DDAH1: variants seen among roughly 807,000 people sequenced by gnomAD.
DDAH1 encodes dimethylarginine dimethylaminohydrolase 1.
DDAH1 carries 19 observed loss-of-function variants against 28.8 expected under a neutral mutation model. That is an observed-to-expected ratio of 0.66 (90% CI 0.46 to 0.97). The LOEUF (loss-of-function observed/expected upper bound fraction) is 0.97. Ranked by LOEUF, DDAH1 falls within the 50% of genes least tolerant of loss-of-function variation. DDAH1 has a pLI of 0.00. For synonymous variants in DDAH1, 153 were observed against 154.4 expected, an observed-to-expected ratio of 0.99 and a Z score of 0.07; for missense variants, 326 against 375.9, an observed-to-expected ratio of 0.87 and a Z score of 1.10.
chr1:85,327,426 G>A (rs1023713007), intron 4 of DDAH1, among the ~76,000 whole-genome samples: 1 of 152,148 alleles, frequency 6.6e-6, no homozygotes, highest in East Asian at 1.9e-4. Context: ...ATGTAATCTA[G>A]TAGTGTTGCA....
At chr1:85,338,990 T>G (rs1040091780) in intron 4 of DDAH1, among the ~76,000 whole-genome samples, 6 of 148,740 alleles carry the variant, frequency 4.0e-5, no homozygotes, top group African/African-American at 1.5e-4. Context: ...GAGGTTGCCG[T>G]GAGCTAAGAT....
At chr1:85,340,710 G>A (rs935938993) in intron 4 of DDAH1, among the ~76,000 whole-genome samples, 7 of 151,896 alleles carry the variant, frequency 4.6e-5, no homozygotes, top group Non-Finnish European at 8.8e-5. Context: ...TATGGGAACC[G>A]TGCCAGACAG....
At chr1:85,477,662 T>C (rs1330436576) in intron 2 of DDAH1, among the ~76,000 whole-genome samples, 1 of 151,950 alleles carries the variant, frequency 6.6e-6, no homozygotes, top group Non-Finnish European at 1.5e-5. Flanking sequence ...GCATATACTA[T>C]CTCTACTATA....
chr1:85,328,777 A>C (rs1647577359), intron 4 of DDAH1, among the ~76,000 whole-genome samples: 1 of 152,236 alleles, frequency 6.6e-6, no homozygotes, highest in Non-Finnish European at 1.5e-5. Context: ...AGACACAAAC[A>C]AAACAAAATC....
At chr1:85,456,614 T>C (rs894834287) in intron 1 of DDAH1, among the ~76,000 whole-genome samples, 36 of 152,252 alleles carry the variant, frequency 2.4e-4, no homozygotes, top group African/African-American at 6.0e-4. Flanking sequence ...TTTAAGGTAG[T>C]GTAGCGTGAG....
chr1:85,324,406 T>C (rs967018046), intron 5 of DDAH1, among the ~76,000 whole-genome samples: 3 of 152,126 alleles, frequency 2.0e-5, no homozygotes, highest in Non-Finnish European at 2.9e-5. Flanking sequence ...TGTAGGTCTT[T>C]ATGCTTAATG....
At chr1:85,377,181 G>T (rs937659031) in intron 1 of DDAH1, among the ~76,000 whole-genome samples, 3 of 152,110 alleles carry the variant, frequency 2.0e-5, no homozygotes, top group African/African-American at 7.2e-5. Flanking sequence ...GCAGAAGCAG[G>T]ATTAGAACCC....
chr1:85,464,534 C>G lies in DDAH1; in HGVS notation c.303+209G>C. Reference sequence around the variant, plus strand: ...TACAACCACATTGAATCGGATCCTCCAGAAGGCTGCCGGCAGCCGGGAGGT... The same window carrying G: ...TACAACCACATTGAATCGGATCCTCGAGAAGGCTGCCGGCAGCCGGGAGGT... On this transcript the variant is annotated intron_variant, in intron 1 of 5. Coordinates refer to ENST00000284031, the MANE Select transcript of DDAH1 (RefSeq NM_012137.4). This position sits in a 1 kb window ranked among gnomAD's most constrained non-coding sequence, Gnocchi z 4.4. 3.3e-6 allele frequency: 5 copies of G among 1,529,804 alleles called. No homozygotes were observed. Among genetic ancestry groups the G allele is most frequent in the Middle Eastern group, 1.7e-4 (1 of 5,964 alleles). 94.8% of individuals were successfully genotyped at this position (1,529,804 alleles called of 1,614,324 possible).
chr1:85,383,109 G>T (rs1194465721), intron 1 of DDAH1, among the ~76,000 whole-genome samples: 1 of 152,074 alleles, frequency 6.6e-6, no homozygotes, highest in African/African-American at 2.4e-5. Flanking sequence ...CATTTCATAG[G>T]GCTATTGCTG....
intron 1 of DDAH1, among the ~76,000 whole-genome samples, chr1:85,425,936 G>A (rs1653373522): frequency 6.6e-6 from 1 of 152,110 alleles, no homozygotes; most frequent in Non-Finnish European, 1.5e-5. Flanking sequence ...TTTGTGATAA[G>A]CACTAGTCTA....
In DDAH1 at chr1:85,352,287, T is replaced by C. The variant is rs1269004482; in HGVS notation, c.404-708A>G. Among the ~76,000 whole-genome samples, 4 of 152,182 alleles carry C rather than the reference T, an allele frequency of 2.6e-5. No homozygotes were observed. The East Asian group carries it at 7.7e-4, about 29-fold the overall frequency. ...AAGTGTGGGTGTGTGTGGGTGAGTG[T>C]GCTGTGATGGGACGGTGTCCTGTCC... On this transcript the variant is annotated intron_variant, in intron 2 of 5. Transcript: ENST00000284031.
chr1:85,327,787 A>C (rs1385345081), intron 4 of DDAH1, among the ~76,000 whole-genome samples: 1 of 152,232 alleles, frequency 6.6e-6, no homozygotes, highest in Non-Finnish European at 1.5e-5. Context: ...AAAAAACCCC[A>C]AAACAGATAA....
At position 85,461,832 on chromosome 1, in the gene DDAH1, C is replaced by T. The variant is rs138006522; in HGVS notation, c.303+2911G>A. ...GATATATATAAAAGGAAGTTTATAG[C>T]GTTTTAGGAGCTCATAAAAGGAGAA... On this transcript the variant is annotated intron_variant, in intron 1 of 5. Transcript: ENST00000284031. Among the ~76,000 whole-genome samples the T allele has an allele frequency of 1.6e-4, 25 of 152,168 alleles. No homozygotes were observed. The East Asian group carries it at 3.7e-3, about 22-fold the overall frequency.
chr1:85,352,192 G>C lies in DDAH1; in HGVS notation c.404-613C>G, dbSNP rs560900454. On this transcript the variant is annotated intron_variant, in intron 2 of 5. Coordinates refer to ENST00000284031, the MANE Select transcript of DDAH1 (RefSeq NM_012137.4). ...TGTACATTCTCTCTAGGCCTGCGTG[G>C]GTTTCCTCCCACATCCCAGAGCTGT... Among the ~76,000 whole-genome samples, 5 of 152,170 alleles carry C rather than the reference G, an allele frequency of 3.3e-5. No homozygotes were observed. The East Asian group carries it at 9.7e-4, about 29-fold the overall frequency.
intron 4 of DDAH1, among the ~76,000 whole-genome samples, chr1:85,326,562 T>G (rs1647408983): frequency 6.6e-6 from 1 of 152,242 alleles, no homozygotes. Flanking sequence ...CATCTCACTT[T>G]GCTCTTTCTC....
chr1:85,526,137 A>C (rs1196801632), intron 1 of DDAH1, among the ~76,000 whole-genome samples: 4 of 152,194 alleles, frequency 2.6e-5, no homozygotes, highest in Non-Finnish European at 5.9e-5. Flanking sequence ...ATGGAAATGT[A>C]AGTGTCCTGT....
chr1:85,541,627 A>T (rs1658473214), intron 1 of DDAH1, among the ~76,000 whole-genome samples: 1 of 152,256 alleles, frequency 6.6e-6, no homozygotes, highest in African/African-American at 2.4e-5. Flanking sequence ...TAGAGTTCAC[A>T]GAAATTTTTA....
intron 1 of DDAH1, among the ~76,000 whole-genome samples, chr1:85,444,426 T>C (rs1453485961): frequency 6.6e-6 from 1 of 152,212 alleles, no homozygotes; most frequent in East Asian, 1.9e-4. Flanking sequence ...GCCAGTATTT[T>C]ATTGAGGACT....
intron 2 of DDAH1, among the ~76,000 whole-genome samples, chr1:85,479,171 T>C (rs899684299): frequency 2.3e-5 from 3 of 130,410 alleles, no homozygotes; most frequent in Non-Finnish European, 4.8e-5. Flanking sequence ...TTTTTTTTTT[T>C]TTTTTTTTTT....
Sources: gnomAD v4.1 joint callset for allele counts (sites outside exome capture counted in the v4.1 genomes callset) on GRCh38, gnomAD v4.1.1 for gene constraint, Gnocchi (gnomAD v3.1) non-coding constraint, MANE v1.5 for transcripts, NCBI Gene and HGNC (gene_info 2026-07-23, HGNC 2026-07-21) for gene names.